TBC1D4: variants seen among roughly 807,000 people sequenced by gnomAD.
TBC1D4 encodes the protein TBC1 domain family member 4, also known as TBC (Tre-2, BUB2, CDC16) domain-containing protein.
Under a neutral mutation model 142.5 loss-of-function variants are expected in TBC1D4, and 121 were observed. The observed-to-expected ratio is 0.85, with a 90% CI of 0.73 to 0.99. TBC1D4 has a LOEUF of 0.99. TBC1D4 is among the 50% of genes least tolerant of loss of function. TBC1D4 has a pLI of 0.00. For missense variants in TBC1D4, 1,475 were observed against 1,606.6 expected (o/e 0.92, Z 1.40); for synonymous variants, 630 against 628.2 (o/e 1.00, Z -0.04).
At position 75,317,801 on chromosome 13, in the gene TBC1D4, C is replaced by G. The variant is rs1593919748; in HGVS notation, c.2222+2213G>C. Among the ~76,000 whole-genome samples the G allele has an allele frequency of 2.0e-5, 3 of 152,260 alleles. No homozygotes were observed. In the East Asian group the frequency reaches 5.8e-4, roughly 29 times the overall value. ...TTGACTGGTATATTGTATATATACTCCCTCTTACCACTCACCAGTTAATTA... is the reference window on the plus strand; with the variant it reads ...TTGACTGGTATATTGTATATATACTGCCTCTTACCACTCACCAGTTAATTA... On this transcript the variant is annotated intron_variant, in intron 12 of 20. Transcript: ENST00000377636.
intron 5 of TBC1D4, among the ~76,000 whole-genome samples, chr13:75,345,239 T>G (rs112390657): frequency 6.6e-6 from 1 of 152,184 alleles, no homozygotes; most frequent in African/African-American, 2.4e-5. Flanking sequence ...TTCATATGGA[T>G]GGAATGGGCT....
intron 1 of TBC1D4, among the ~76,000 whole-genome samples, chr13:75,472,587 CT>C (rs752462831): frequency 6.6e-6 from 1 of 151,942 alleles, no homozygotes; most frequent in Non-Finnish European, 1.5e-5. Flanking sequence ...TGTTAACAGC[CT>C]TAGAAGGAGC....
intron 1 of TBC1D4, among the ~76,000 whole-genome samples, chr13:75,370,871 A>G (rs111963354): frequency 1.3e-5 from 2 of 152,176 alleles, no homozygotes; most frequent in African/African-American, 4.8e-5. Flanking sequence ...TCAAGAGTAT[A>G]GAAGACAGAG....
intron 1 of TBC1D4, among the ~76,000 whole-genome samples, chr13:75,470,359 G>A (rs780427607): frequency 3.3e-5 from 5 of 152,076 alleles, no homozygotes; most frequent in East Asian, 1.9e-4. Context: ...GTCTACTGCC[G>A]TATTGTCAAA....
intron 4 of TBC1D4, among the ~76,000 whole-genome samples, chr13:75,350,604 T>G (rs1881515563): frequency 6.6e-6 from 1 of 152,186 alleles, no homozygotes; most frequent in African/African-American, 2.4e-5. Flanking sequence ...TCATTTGCCT[T>G]GTTAACGCAT....
At chr13:75,411,040 G>A (rs1885636531) in intron 1 of TBC1D4, among the ~76,000 whole-genome samples, 1 of 150,808 alleles carries the variant, frequency 6.6e-6, no homozygotes, top group African/African-American at 2.4e-5. Context: ...GAATCCACGT[G>A]GCTAAAGCTT....
chr13:75,481,204 CTCCCGCCCTGCT>C (rs2138366968), intron 1 of TBC1D4, 54 bp downstream of exon 1: 29 of 1,407,960 alleles, frequency 2.1e-5, no homozygotes, highest in Middle Eastern at 2.5e-4. Flanking sequence ...GTCCCCGCCC[CTCCCGCCCTGCT>C]CCCCGATCCC....
At chr13:75,366,054 G>C (rs1882889024) in intron 1 of TBC1D4, among the ~76,000 whole-genome samples, 1 of 151,822 alleles carries the variant, frequency 6.6e-6, no homozygotes, top group Non-Finnish European at 1.5e-5. Context: ...ATGTTATAGA[G>C]CACCTCAAGC....
intron 1 of TBC1D4, among the ~76,000 whole-genome samples, chr13:75,421,841 G>A (rs1886183373): frequency 6.7e-6 from 1 of 150,244 alleles, no homozygotes; most frequent in African/African-American, 2.5e-5. Flanking sequence ...TAATTATTGT[G>A]ACTTAATCAC....
At chr13:75,321,282 T>C (rs1459717218) in intron 11 of TBC1D4, among the ~76,000 whole-genome samples, 1 of 152,134 alleles carries the variant, frequency 6.6e-6, no homozygotes, top group African/African-American at 2.4e-5. Flanking sequence ...AATGAGAATG[T>C]AGAGTTCAGA....
chr13:75,480,887 ACACACACACACACACACACG>A (rs1208447097), intron 1 of TBC1D4, among the ~76,000 whole-genome samples: 1 of 117,620 alleles, frequency 8.5e-6, no homozygotes, highest in Non-Finnish European at 2.0e-5. Flanking sequence ...GCACACACAC[ACACACACACACACACACACG>A]GCAAGCAAGC....
rs1431502044 is a variant in TBC1D4, at chr13:75,302,396, G to C, written c.2758C>G (p.Pro920Ala). ...CAAATTTCTCCTCGTCGACTTTTGG[G>C]AACTCCTACAATGAAGGAGATAAAT... ...DIHTLLKEGV[P>A]KSRRGEIWQF... is the part of the protein sequence containing the mutation. The change falls in exon 16 of 21, where the codon CCC (proline) becomes GCC (alanine). Residue 920 changes from proline to alanine, a missense_variant. Pro to Ala is a conservative substitution (Grantham distance 27). Coordinates refer to ENST00000377636, the MANE Select transcript of TBC1D4 (RefSeq NM_014832.5). The C allele has an allele frequency of 1.2e-6, 2 of 1,614,058 alleles. No homozygotes were observed. Among genetic ancestry groups the C allele is most frequent in the East Asian group, 2.2e-5 (1 of 44,876 alleles).
rs779791942 is a variant in TBC1D4 at position 75,312,728 on chromosome 13, C to A, written c.2383+10G>T. ...AGAGGGATAAATTCCTTAGGGAGTG[C>A]AACACAGACCTTGCTGTTGCATTGC... is the stretch of plus-strand genomic sequence containing the variant. On this transcript the variant is annotated intron_variant, in intron 13 of 20. Transcript: ENST00000377636. 2 of 1,614,138 alleles carry A rather than the reference C, an allele frequency of 1.2e-6. No individual in the cohort carries two copies. The highest frequency in any genetic ancestry group is 1.7e-6 in the Non-Finnish European group (2 of 1,180,004).
chr13:75,285,716 G>C lies in TBC1D4; in HGVS notation c.*1076C>G, dbSNP rs924465054. 6.6e-6 allele frequency: 1 copy of C among 152,588 alleles called. No individual in the cohort carries two copies. Among genetic ancestry groups the C allele is most frequent in the Non-Finnish European group, 1.5e-5 (1 of 68,032 alleles). 9.5% of individuals were successfully genotyped at this position (152,588 alleles called of 1,614,324 possible). A position where few individuals can be genotyped will look rare whatever the true frequency, so the allele number is the denominator to read the frequency against. On this transcript the variant is annotated 3_prime_UTR_variant, in exon 21 of 21. Coordinates refer to ENST00000377636, the MANE Select transcript of TBC1D4 (RefSeq NM_014832.5). ...CACATAAAAGGGGAAGATTATTAAA[G>C]CTTATTAGATTCTGTCAATTGGTCA...
At chr13:75,380,115 G>A (rs1012018197) in intron 1 of TBC1D4, among the ~76,000 whole-genome samples, 8 of 151,278 alleles carry the variant, frequency 5.3e-5, no homozygotes, top group Admixed American at 1.3e-4. Context: ...CTGGCCTCAA[G>A]TGATCCACCC....
intron 1 of TBC1D4, among the ~76,000 whole-genome samples, chr13:75,440,660 C>A (rs1887000337): frequency 6.6e-6 from 1 of 151,254 alleles, no homozygotes; most frequent in Non-Finnish European, 1.5e-5. Context: ...CTCAAGGGAT[C>A]CCCCCAGCTT....
intron 1 of TBC1D4, among the ~76,000 whole-genome samples, chr13:75,411,486 A>G (rs1399029620): frequency 1.3e-5 from 2 of 152,172 alleles, no homozygotes; most frequent in Non-Finnish European, 2.9e-5. Context: ...AGCTGTAGTG[A>G]CAGCCCCAAT....
intron 1 of TBC1D4, among the ~76,000 whole-genome samples, chr13:75,368,686 T>C (rs1883059765): frequency 6.6e-6 from 1 of 152,132 alleles, no homozygotes. Context: ...GTAAAAGTGA[T>C]CAGATAGAAA....
chr13:75,329,675 G>A (rs181348704), intron 8 of TBC1D4, among the ~76,000 whole-genome samples: 6 of 152,156 alleles, frequency 3.9e-5, no homozygotes, highest in East Asian at 1.9e-4. Context: ...CACATTCTCC[G>A]GGTGCTTTCT....
Sources: allele counts gnomAD v4.1 joint callset (sites outside exome capture counted in the v4.1 genomes callset), GRCh38; gene constraint gnomAD v4.1.1; transcripts MANE v1.5; gene names NCBI Gene and HGNC (gene_info 2026-07-23, HGNC 2026-07-21).